PTPRD: variants seen among roughly 807,000 people sequenced by gnomAD.
PTPRD encodes receptor-type tyrosine-protein phosphatase delta.
In PTPRD, 34 loss-of-function variants were observed where a neutral mutation model predicts 214.5. The ratio of observed to expected loss-of-function variants is 0.16; its 90% CI spans 0.12 to 0.21. PTPRD has a LOEUF of 0.21. Among genes scored for constraint, PTPRD ranks in the 10% least tolerant of loss-of-function variants. The pLI is 1.00. For missense variants in PTPRD, 2,545 were observed against 2,398.7 expected, an observed-to-expected ratio of 1.06 and a Z score of -1.27; for synonymous variants, 1,128 against 845.7, an observed-to-expected ratio of 1.33 and a Z score of -5.79.
At chr9:8,857,520 G>C (rs2097949110) in intron 11 of PTPRD, 2 of 152,232 alleles carry the variant, frequency 1.3e-5, no homozygotes, top group Admixed American at 1.3e-4. Context: ...TCGCGGAAAC[G>C]CGAGCGTGTC....
At chr9:10,006,321 T>G (rs943538138) in intron 4 of PTPRD, among the ~76,000 whole-genome samples, 3 of 151,802 alleles carry the variant, frequency 2.0e-5, no homozygotes, top group Non-Finnish European at 4.4e-5. Context: ...CTAGTCCCAT[T>G]ATTACAATTT....
chr9:8,850,632 ATT>A (rs2097791375), intron 11 of PTPRD, among the ~76,000 whole-genome samples: 1 of 152,202 alleles, frequency 6.6e-6, no homozygotes, highest in African/African-American at 2.4e-5. Context: ...AACTACTCTT[ATT>A]TCTAGCTAGC....
intron 2 of PTPRD, among the ~76,000 whole-genome samples, chr9:10,534,855 A>C (rs1277000995): frequency 3.3e-5 from 5 of 152,216 alleles, no homozygotes; most frequent in African/African-American, 1.2e-4. Flanking sequence ...GTTTTCTGAC[A>C]CTGACTGTGC....
At chr9:9,759,747 C>T (rs1003085803) in intron 6 of PTPRD, among the ~76,000 whole-genome samples, 6 of 151,564 alleles carry the variant, frequency 4.0e-5, no homozygotes, top group Non-Finnish European at 5.9e-5. Context: ...TTAGTAGAGA[C>T]GGGGTTTCAC....
chr9:9,268,076 A>G (rs1484281360), intron 9 of PTPRD, among the ~76,000 whole-genome samples: 1 of 151,232 alleles, frequency 6.6e-6, no homozygotes, highest in African/African-American at 2.4e-5. Context: ...CAAAAGAAAA[A>G]ATTGTCTCTG....
In PTPRD at chr9:9,551,619, C is replaced by A. The variant is rs147708554; in HGVS notation, c.-237+23113G>T. On this transcript the variant is annotated intron_variant, in intron 8 of 45. Transcript: ENST00000381196. ...ATTAATGTTTGGCTCCTATATGGTT[C>A]TCAGTACATCCTTTGTTCTTCTTTC... Among the ~76,000 whole-genome samples, 94 of 152,086 alleles carry A rather than the reference C, an allele frequency of 6.2e-4. 3 individuals carry two copies. In the East Asian group the frequency reaches 0.018, roughly 29 times the overall value.
intron 9 of PTPRD, among the ~76,000 whole-genome samples, chr9:9,289,727 A>G (rs911681834): frequency 1.3e-5 from 2 of 151,746 alleles, no homozygotes; most frequent in Non-Finnish European, 2.9e-5. Flanking sequence ...CTTTCTGTGT[A>G]TGGCTTATTT....
chr9:10,506,147 T>A (rs1466146848), intron 2 of PTPRD, among the ~76,000 whole-genome samples: 1 of 152,134 alleles, frequency 6.6e-6, no homozygotes. Context: ...TCTCTATGAA[T>A]CCAGAAGAAC....
intron 12 of PTPRD, among the ~76,000 whole-genome samples, chr9:8,642,530 T>C (rs2096599002): frequency 6.6e-6 from 1 of 152,186 alleles, no homozygotes; most frequent in Non-Finnish European, 1.5e-5. Flanking sequence ...GTAGAATTTA[T>C]GAGAAGATCA....
intron 2 of PTPRD, among the ~76,000 whole-genome samples, chr9:10,372,605 A>G (rs919603677): frequency 2.6e-5 from 4 of 151,918 alleles, no homozygotes; most frequent in African/African-American, 9.7e-5. Context: ...CTTTTACTCT[A>G]AACTTTTACA....
At chr9:8,415,060 A>T (rs944596533) in intron 35 of PTPRD, among the ~76,000 whole-genome samples, 2 of 152,056 alleles carry the variant, frequency 1.3e-5, no homozygotes, top group Non-Finnish European at 2.9e-5. Context: ...AAGTAAAGAG[A>T]AATTTCTGCA....
intron 10 of PTPRD, among the ~76,000 whole-genome samples, chr9:9,069,613 T>A (rs1253658639): frequency 6.6e-6 from 1 of 152,226 alleles, no homozygotes; most frequent in Non-Finnish European, 1.5e-5. Context: ...AGCAAAGTTA[T>A]AAACTCTTTT....
chr9:9,157,781 C>T (rs1057450637), intron 10 of PTPRD, among the ~76,000 whole-genome samples: 3 of 152,036 alleles, frequency 2.0e-5, no homozygotes, highest in Non-Finnish European at 4.4e-5. Flanking sequence ...CGTAGGTAAA[C>T]GTGTGCCACG....
At chr9:9,974,284 C>T (rs1733456510) in intron 4 of PTPRD, among the ~76,000 whole-genome samples, 1 of 152,074 alleles carries the variant, frequency 6.6e-6, no homozygotes, top group Admixed American at 6.5e-5. Context: ...CAGGTAAATA[C>T]ATTTATTTTT....
intron 8 of PTPRD, among the ~76,000 whole-genome samples, chr9:9,430,109 A>T (rs1337102895): frequency 1.3e-5 from 2 of 152,170 alleles, no homozygotes; most frequent in African/African-American, 4.8e-5. Flanking sequence ...AGGAAGTCAA[A>T]CTGTCCCTGT....
intron 9 of PTPRD, among the ~76,000 whole-genome samples, chr9:9,270,167 T>C (rs768713372): frequency 5.1e-4 from 77 of 151,212 alleles, no homozygotes; most frequent in Admixed American, 1.1e-3. Context: ...AAATTATACG[T>C]AAAACAAAAC....
chr9:9,984,889 C>T (rs113442949), intron 4 of PTPRD, among the ~76,000 whole-genome samples: 2 of 152,102 alleles, frequency 1.3e-5, no homozygotes, highest in Non-Finnish European at 2.9e-5. Context: ...TCCTGACCAA[C>T]CATGCACACC....
chr9:10,297,351 T>C (rs1309686343), intron 3 of PTPRD, among the ~76,000 whole-genome samples: 1 of 151,950 alleles, frequency 6.6e-6, no homozygotes, highest in African/African-American at 2.4e-5. Context: ...GTCCTTCAAT[T>C]TTGTATATCC....
At chr9:8,448,535 A>ACCATCTTCATCATGTT in intron 34 of PTPRD, among the ~76,000 whole-genome samples, 1 of 152,304 alleles carries the variant, frequency 6.6e-6, no homozygotes, top group South Asian at 2.1e-4. Context: ...GGAAGATGAC[A>ACCATCTTCATCATGTT]CAAGTTTGTT....
Sources: gnomAD v4.1 joint callset for allele counts (sites outside exome capture counted in the v4.1 genomes callset) on GRCh38, gnomAD v4.1.1 for gene constraint, MANE v1.5 for transcripts, NCBI Gene and HGNC (gene_info 2026-07-23, HGNC 2026-07-21) for gene names.